ERICH3: variants seen among roughly 807,000 people sequenced by gnomAD.
ERICH3 encodes glutamate-rich protein 3.
ERICH3 carries 126 observed loss-of-function variants against 131.1 expected under a neutral mutation model. The ratio of observed to expected loss-of-function variants is 0.96; its 90% CI spans 0.83 to 1.11. The LOEUF (loss-of-function observed/expected upper bound fraction) is 1.11, where lower values mean the gene tolerates loss of function less well. ERICH3 is among the 50% of genes most tolerant of loss of function. ERICH3 has a pLI of 0.00. For missense variants in ERICH3, 2,050 were observed against 1,810.7 expected, an observed-to-expected ratio of 1.13 and a Z score of -2.40; for synonymous variants, 695 against 644.6, an observed-to-expected ratio of 1.08 and a Z score of -1.18.
intron 3 of ERICH3, among the ~76,000 whole-genome samples, chr1:74,643,950 GAA>G (rs942516295): frequency 6.6e-6 from 1 of 152,084 alleles, no homozygotes; most frequent in African/African-American, 2.4e-5. Flanking sequence ...CGTTGTCTCT[GAA>G]AGGAGGAATT....
In ERICH3 at chr1:74,609,220, C is replaced by T. The variant is rs1239173820; in HGVS notation, c.1188-2318G>A. ...ATGAGTACAGTTGTGGAACCTTACA[C>T]TTTGGAAGTGACCACTGCTCAGCTT... On this transcript the variant is annotated intron_variant, in intron 9 of 14. Transcript: ENST00000326665. Among the ~76,000 whole-genome samples, 3 of 152,020 alleles carry T rather than the reference C, an allele frequency of 2.0e-5. No homozygotes were observed. In the East Asian group the frequency reaches 5.8e-4, roughly 29 times the overall value.
In ERICH3 at chr1:74,670,737, G is replaced by A. The variant is rs180756898; in HGVS notation, c.23+2760C>T. 9.5e-3 allele frequency among the ~76,000 whole-genome samples: 1,441 copies of A among 152,234 alleles called. 26 individuals are homozygous for A. The highest frequency in any genetic ancestry group is 0.033 in the African/African-American group (1,387 of 41,512). On this transcript the variant is annotated intron_variant, in intron 1 of 14. Transcript: ENST00000326665. ...AAGAACAGAATAACAGCGATTTTTA[G>A]GGAACAAGGGAAGACAACCATAAGG...
intron 7 of ERICH3, among the ~76,000 whole-genome samples, chr1:74,629,216 G>A (rs1247238959): frequency 3.3e-5 from 5 of 151,534 alleles, no homozygotes; most frequent in African/African-American, 4.8e-5. Context: ...TCAGTAGAAT[G>A]TGTGGAAGAT....
At chr1:74,631,427 T>C (rs745445187) in intron 7 of ERICH3, among the ~76,000 whole-genome samples, 3 of 152,120 alleles carry the variant, frequency 2.0e-5, no homozygotes, top group Non-Finnish European at 2.9e-5. Flanking sequence ...ACTGAACAGG[T>C]GCATTTAAGG....
At chr1:74,584,486 T>G (rs1570820027) in intron 12 of ERICH3, among the ~76,000 whole-genome samples, 1 of 152,316 alleles carries the variant, frequency 6.6e-6, no homozygotes, top group African/African-American at 2.4e-5. Flanking sequence ...GCTCCCAATT[T>G]GGGGCCATTG....
chr1:74,660,407 A>C (rs2100653134), intron 1 of ERICH3, among the ~76,000 whole-genome samples: 1 of 151,826 alleles, frequency 6.6e-6, no homozygotes, highest in South Asian at 2.1e-4. Context: ...AAAGGCAGTT[A>C]CCATTGTGTG....
At chr1:74,642,842 C>T (rs1646448094) in intron 4 of ERICH3, among the ~76,000 whole-genome samples, 185 bp downstream of exon 4, 1 of 152,070 alleles carries the variant, frequency 6.6e-6, no homozygotes. Flanking sequence ...CAAACAGCTC[C>T]TATATTTGTC....
rs1368800953 is a variant in ERICH3 at position 74,649,255 on chromosome 1, T to C, written c.84A>G (p.Thr28=). The C allele has an allele frequency of 6.2e-7, 1 of 1,612,496 alleles. No individual in the cohort carries two copies. The highest frequency in any genetic ancestry group is 8.5e-7 in the Non-Finnish European group (1 of 1,179,186). Residue 28 remains threonine, a synonymous_variant, in exon 2 of 15, where the codon ACA becomes ACG. Transcript: ENST00000326665. ...DKHLAGYFNN[T]RIRRHLLRSG... ...ATCTTAAGAGATGACGCCTTATCCT[T>C]GTATTGTTAAAATACCCAGCCAGGT...
intron 9 of ERICH3, 118 bp from the exon 10 acceptor site, chr1:74,607,020 G>T (rs1359537537): frequency 6.8e-6 from 6 of 880,374 alleles, no homozygotes; most frequent in Non-Finnish European, 1.0e-5. Flanking sequence ...AAAATGTTTT[G>T]ATTACAGTAC....
chr1:74,595,513 T>C (rs1277372474), intron 11 of ERICH3, among the ~76,000 whole-genome samples: 3 of 152,084 alleles, frequency 2.0e-5, no homozygotes, highest in African/African-American at 7.2e-5. Flanking sequence ...ATGTTCTCCA[T>C]ATTTACCTTT....
intron 1 of ERICH3, among the ~76,000 whole-genome samples, chr1:74,665,601 C>T (rs1027309874): frequency 2.6e-5 from 4 of 152,120 alleles, no homozygotes; most frequent in Non-Finnish European, 5.9e-5. Flanking sequence ...ATCAAGGTGT[C>T]AGCAGGGTTG....
rs759448808 is a variant in ERICH3 at position 74,646,697 on chromosome 1, C to G, written c.213G>C (p.Gln71His). ...HQKYIRECLA[Q>H]AIFHKVLDME... is the part of the protein sequence containing the mutation. ...TATCAAGAACTTTATGAAAAATTGC[C>G]TGGGCTAAGCATTCCCGGATATATT... Residue 71 changes from glutamine to histidine, a missense_variant, in exon 3 of 15, where the codon CAG becomes CAC. Transcript: ENST00000326665. 1 of 1,445,644 alleles carries G rather than the reference C, an allele frequency of 6.9e-7. No individual in the cohort carries two copies. Among genetic ancestry groups the G allele is most frequent in the Admixed American group, 2.2e-5 (1 of 46,494 alleles). 89.6% of individuals were successfully genotyped at this position (1,445,644 alleles called of 1,614,324 possible).
chr1:74,585,997 C>A (rs1647311071), intron 12 of ERICH3, among the ~76,000 whole-genome samples: 1 of 151,988 alleles, frequency 6.6e-6, no homozygotes, highest in East Asian at 1.9e-4. Flanking sequence ...TATACATGGT[C>A]TTTGTTCTGT....
In ERICH3 at chr1:74,572,125, C is replaced by G; in HGVS notation, c.3585G>C (p.Glu1195Asp). The change falls in exon 14 of 15, where the codon GAG becomes GAC. Residue 1195 changes from glutamate to aspartate, a missense_variant. Coordinates refer to ENST00000326665, the MANE Select transcript of ERICH3 (RefSeq NM_001002912.5). The part of the protein sequence containing the change: ...ARDTEHKDRE[E>D]LSSRENRALK... Reference sequence around the variant, plus strand: ...GGGCCCTATTCTCCCTGCTGGACAGCTCTTCTCTGTCTTTGTGCTCTGTGT... The same window carrying G: ...GGGCCCTATTCTCCCTGCTGGACAGGTCTTCTCTGTCTTTGTGCTCTGTGT... The G allele has an allele frequency of 1.2e-6, 2 of 1,614,230 alleles. No individual in the cohort carries two copies. Among genetic ancestry groups the G allele is most frequent in the Non-Finnish European group, 1.7e-6 (2 of 1,180,044 alleles).
chr1:74,609,304 C>G (rs699849), intron 9 of ERICH3, among the ~76,000 whole-genome samples: 1 of 151,868 alleles, frequency 6.6e-6, no homozygotes, highest in Admixed American at 6.6e-5. Flanking sequence ...ATATAATTCT[C>G]TGTTGTTTTA....
chr1:74,663,472 A>G (rs1324405588), intron 1 of ERICH3, among the ~76,000 whole-genome samples: 3 of 152,074 alleles, frequency 2.0e-5, no homozygotes, highest in Admixed American at 6.6e-5. Context: ...TTCCTTGCCT[A>G]TCTCTCATAG....
chr1:74,653,845 T>C (rs1343785789), intron 1 of ERICH3, among the ~76,000 whole-genome samples: 2 of 152,080 alleles, frequency 1.3e-5, no homozygotes, highest in African/African-American at 4.8e-5. Context: ...CTGTCTACAT[T>C]ACCTTTGGGG....
rs1648752109 is a variant in ERICH3 at position 74,612,667 on chromosome 1, G to C, written c.1143C>G (p.Gly381=). ...TCTCAACACACACAAACCCAAAGTAGCCTCGTTTGCCTCCAAGCCTGGAAC... is the reference window on the plus strand; with the variant it reads ...TCTCAACACACACAAACCCAAAGTACCCTCGTTTGCCTCCAAGCCTGGAAC... ...RKGSRLGGKR[G]YFGFVCVERS... Residue 381 remains glycine (G), a synonymous_variant, in exon 9 of 15, where the codon GGC becomes GGG. Transcript: ENST00000326665. 6.3e-7 allele frequency: 1 copy of C among 1,591,414 alleles called. No homozygotes were observed. The highest frequency in any genetic ancestry group is 8.6e-7 in the Non-Finnish European group (1 of 1,162,940).
intron 12 of ERICH3, among the ~76,000 whole-genome samples, chr1:74,582,989 C>T (rs1019718629): frequency 6.6e-6 from 1 of 152,028 alleles, no homozygotes; most frequent in Admixed American, 6.6e-5. Context: ...CCTGACCCTC[C>T]CACAATTTTA....
Sources: allele counts gnomAD v4.1 joint callset (sites outside exome capture counted in the v4.1 genomes callset), GRCh38; gene constraint gnomAD v4.1.1; transcripts MANE v1.5; gene names NCBI Gene and HGNC (gene_info 2026-07-23, HGNC 2026-07-21).